ATOSA: variants seen among roughly 807,000 people sequenced by gnomAD.
The protein encoded by ATOSA is atos homolog protein A.
chr15:52,674,569 G>T, the ATOSA span, among the ~76,000 whole-genome samples: 2 of 152,086 alleles, frequency 1.3e-5, no homozygotes, highest in South Asian at 4.1e-4. Context: ...AGCCATAATT[G>T]TAATAGCAAA....
chr15:52,629,948 A>G, the ATOSA span, among the ~76,000 whole-genome samples: 54 of 152,336 alleles, frequency 3.5e-4, no homozygotes, highest in African/African-American at 1.2e-3. Flanking sequence ...AATAAGACAA[A>G]AAACAAAAAA....
At chr15:52,659,951 G>A in the ATOSA span, among the ~76,000 whole-genome samples, 2,794 of 152,290 alleles carry the variant, frequency 0.018, 92 homozygotes, top group African/African-American at 0.064. Flanking sequence ...TTGGACACAG[G>A]ACAACAGGCA....
chr15:52,636,807 A>C, the ATOSA span, among the ~76,000 whole-genome samples: 2 of 152,224 alleles, frequency 1.3e-5, no homozygotes, highest in Non-Finnish European at 2.9e-5. Flanking sequence ...AGATTCCTGC[A>C]GGCATGGTGG....
At chr15:52,664,210 T>G in the ATOSA span, among the ~76,000 whole-genome samples, 20 of 152,354 alleles carry the variant, frequency 1.3e-4, no homozygotes, top group Admixed American at 1.2e-3. Context: ...AATTCTCATT[T>G]GCTCTTTACA....
At chr15:52,666,974 G>A in the ATOSA span, among the ~76,000 whole-genome samples, 1 of 152,094 alleles carries the variant, frequency 6.6e-6, no homozygotes, top group South Asian at 2.1e-4. Context: ...AGAGCCAGGA[G>A]ACTTATATTC....
At chr15:52,636,426 G>A in the ATOSA span, among the ~76,000 whole-genome samples, 1 of 152,058 alleles carries the variant, frequency 6.6e-6, no homozygotes, top group Non-Finnish European at 1.5e-5. Context: ...TGGAGACAGG[G>A]CTTTTAGGAG....
the ATOSA span, among the ~76,000 whole-genome samples, chr15:52,681,271 A>T: frequency 6.6e-6 from 1 of 152,192 alleles, no homozygotes; most frequent in Non-Finnish European, 1.5e-5. Context: ...CATTATTCAA[A>T]TTGTTTCATT....
the ATOSA span, among the ~76,000 whole-genome samples, chr15:52,646,850 C>T: frequency 1.3e-5 from 2 of 151,978 alleles, no homozygotes; most frequent in African/African-American, 4.8e-5. Flanking sequence ...GTGTTTTTCC[C>T]CCTAGCAAGG....
the ATOSA span, chr15:52,581,564 A>G: frequency 3.9e-5 from 6 of 152,418 alleles, no homozygotes; most frequent in African/African-American, 1.4e-4. Context: ...TGCTAATACA[A>G]TATGTTAAAG....
chr15:52,678,331 T>C, the ATOSA span: 1 of 543,354 alleles, frequency 1.8e-6, no homozygotes, highest in Non-Finnish European at 3.3e-6. Context: ...TCCAGGCCAA[T>C]GTGTCCTTCT....
At chr15:52,608,737 T>G in the ATOSA span, 1 of 1,611,772 alleles carries the variant, frequency 6.2e-7, no homozygotes, top group Non-Finnish European at 8.5e-7. Context: ...TTTATTGAGA[T>G]AATTCTCTAT....
At chr15:52,604,563 G>A in the ATOSA span, among the ~76,000 whole-genome samples, 3 of 152,138 alleles carry the variant, frequency 2.0e-5, no homozygotes, top group South Asian at 2.1e-4. Flanking sequence ...CATGCAAGAG[G>A]GATGATACTA....
the ATOSA span, among the ~76,000 whole-genome samples, chr15:52,638,861 C>T: frequency 1.4e-4 from 22 of 152,120 alleles, no homozygotes; most frequent in Admixed American, 7.2e-4. Context: ...TTAAAAATTA[C>T]TTCCTACAAA....
At chr15:52,588,209 A>G in the ATOSA span, among the ~76,000 whole-genome samples, 2 of 152,166 alleles carry the variant, frequency 1.3e-5, no homozygotes, top group Non-Finnish European at 2.9e-5. Context: ...TTTTAACAAG[A>G]TTCTCCAGAT....
the ATOSA span, among the ~76,000 whole-genome samples, chr15:52,659,926 CA>C: frequency 6.6e-6 from 1 of 152,050 alleles, no homozygotes; most frequent in Non-Finnish European, 1.5e-5. Flanking sequence ...GAAAGGAGAC[CA>C]TTGTGAAATA....
the ATOSA span, among the ~76,000 whole-genome samples, chr15:52,660,934 G>A: frequency 1.3e-5 from 2 of 152,194 alleles, no homozygotes; most frequent in East Asian, 1.9e-4. Context: ...GATTACAGGC[G>A]TGAGCCACTG....
chr15:52,645,040 G>T, the ATOSA span, among the ~76,000 whole-genome samples: 5 of 152,378 alleles, frequency 3.3e-5, no homozygotes, highest in Admixed American at 2.6e-4. Flanking sequence ...AACTGTCTGA[G>T]ATTCAGCTCT....
chr15:52,675,947 G>T, the ATOSA span, among the ~76,000 whole-genome samples: 1 of 151,756 alleles, frequency 6.6e-6, no homozygotes, highest in African/African-American at 2.4e-5. Context: ...AGAAAACTTA[G>T]TGTTAAGTAC....
At chr15:52,708,638 C>G in the ATOSA span, among the ~76,000 whole-genome samples, 1 of 151,764 alleles carries the variant, frequency 6.6e-6, no homozygotes, top group East Asian at 1.9e-4. Flanking sequence ...CTAAACCACA[C>G]TGGGAAAATA....
Sources: allele counts gnomAD v4.1 joint callset (sites outside exome capture counted in the v4.1 genomes callset), GRCh38; gene constraint gnomAD v4.1.1; transcripts MANE v1.5; gene names NCBI Gene and HGNC (gene_info 2026-07-23, HGNC 2026-07-21).